The following ARB2A variants were observed in gnomAD, a reference collection of about 807,000 sequenced individuals.
ARB2A encodes the protein cotranscriptional regulator ARB2A.
At chr5:93,999,639 T>C in the ARB2A span, among the ~76,000 whole-genome samples, 30 of 152,114 alleles carry the variant, frequency 2.0e-4, no homozygotes, top group South Asian at 5.8e-3. Flanking sequence ...GAGTGATACA[T>C]TGACTGCAAT....
chr5:93,684,315 C>T, the ARB2A span, among the ~76,000 whole-genome samples: 12 of 152,174 alleles, frequency 7.9e-5, no homozygotes, highest in Admixed American at 7.9e-4. Flanking sequence ...TATTCCCTCA[C>T]TTGCAAAGTG....
the ARB2A span, among the ~76,000 whole-genome samples, chr5:93,663,642 G>A: frequency 2.0e-5 from 3 of 152,222 alleles, no homozygotes; most frequent in South Asian, 4.2e-4. Flanking sequence ...GGGATTGGGC[G>A]CCCTTCACAT....
chr5:94,093,086 GTGT>G, the ARB2A span, among the ~76,000 whole-genome samples: 10 of 151,848 alleles, frequency 6.6e-5, no homozygotes, highest in Non-Finnish European at 1.2e-4. Context: ...TTATATACCT[GTGT>G]TGTTTGCTCA....
At chr5:93,752,975 T>C in the ARB2A span, among the ~76,000 whole-genome samples, 13 of 152,316 alleles carry the variant, frequency 8.5e-5, no homozygotes, top group African/African-American at 3.1e-4. Context: ...AAAAGTGTTA[T>C]TTAGTTCATG....
the ARB2A span, among the ~76,000 whole-genome samples, chr5:93,642,207 T>C: frequency 6.6e-6 from 1 of 151,824 alleles, no homozygotes; most frequent in Admixed American, 6.6e-5. Flanking sequence ...TTTTTTTTTT[T>C]TTGGAGTAGG....
At chr5:93,660,014 G>C in the ARB2A span, among the ~76,000 whole-genome samples, 5 of 151,762 alleles carry the variant, frequency 3.3e-5, no homozygotes, top group Non-Finnish European at 5.9e-5. Context: ...CAATCTAATT[G>C]GGAGATAGAA....
the ARB2A span, chr5:93,881,622 G>T: frequency 5.0e-6 from 8 of 1,606,654 alleles, no homozygotes; most frequent in Admixed American, 1.7e-5. Flanking sequence ...GACTGTACGT[G>T]TATCTTCGGC....
the ARB2A span, among the ~76,000 whole-genome samples, chr5:93,753,845 T>C: frequency 6.6e-6 from 1 of 152,272 alleles, no homozygotes; most frequent in Admixed American, 6.5e-5. Context: ...AACATAATTT[T>C]AGTGAATCTA....
chr5:93,723,875 T>C, the ARB2A span, among the ~76,000 whole-genome samples: 2 of 152,038 alleles, frequency 1.3e-5, no homozygotes, highest in African/African-American at 4.8e-5. Context: ...AAGATTCAAA[T>C]ACCATCTGTG....
chr5:93,637,035 G>T, the ARB2A span, among the ~76,000 whole-genome samples: 2 of 152,112 alleles, frequency 1.3e-5, no homozygotes, highest in East Asian at 3.8e-4. Context: ...TCACCACAAA[G>T]ATTCGTCATA....
the ARB2A span, among the ~76,000 whole-genome samples, chr5:93,933,756 C>A: frequency 6.6e-6 from 1 of 152,068 alleles, no homozygotes; most frequent in Admixed American, 6.5e-5. Flanking sequence ...ACCTATGTAA[C>A]AAACCTGCAT....
chr5:93,715,408 C>T, the ARB2A span, among the ~76,000 whole-genome samples: 2 of 152,270 alleles, frequency 1.3e-5, no homozygotes, highest in African/African-American at 4.8e-5. Context: ...ACATGTGTTA[C>T]TGCAGTTCTA....
chr5:93,933,224 C>A, the ARB2A span, among the ~76,000 whole-genome samples: 1 of 152,148 alleles, frequency 6.6e-6, no homozygotes, highest in Middle Eastern at 3.2e-3. Flanking sequence ...TTAATTCAAC[C>A]ATTGTGGAAG....
At chr5:93,946,888 C>T in the ARB2A span, among the ~76,000 whole-genome samples, 283 of 152,286 alleles carry the variant, frequency 1.9e-3, 5 homozygotes, top group East Asian at 0.028. Flanking sequence ...CTCTCAAAAA[C>T]ATTCAGCCAC....
the ARB2A span, among the ~76,000 whole-genome samples, chr5:93,783,692 T>G: frequency 6.6e-6 from 1 of 152,144 alleles, no homozygotes; most frequent in East Asian, 1.9e-4. Context: ...TAAATAAAAA[T>G]AAAAGAAAAT....
At chr5:93,741,262 G>A in the ARB2A span, 4 of 1,613,848 alleles carry the variant, frequency 2.5e-6, no homozygotes, top group Non-Finnish European at 3.4e-6. Flanking sequence ...GTAGGGCCCC[G>A]GGAGGGCGCC....
the ARB2A span, among the ~76,000 whole-genome samples, chr5:93,915,373 T>C: frequency 6.6e-6 from 1 of 151,700 alleles, no homozygotes; most frequent in Non-Finnish European, 1.5e-5. Context: ...TCTGTGCCCT[T>C]GCTTTCACTT....
the ARB2A span, among the ~76,000 whole-genome samples, chr5:93,707,524 T>C: frequency 6.6e-6 from 1 of 151,942 alleles, no homozygotes; most frequent in Admixed American, 6.6e-5. Context: ...AATTTCTCTG[T>C]TTAGTAATCT....
chr5:93,920,416 G>T, the ARB2A span, among the ~76,000 whole-genome samples: 11 of 152,080 alleles, frequency 7.2e-5, no homozygotes, highest in East Asian at 1.9e-3. Context: ...GAACAATATG[G>T]GTTTGAACTG....
Sources: gnomAD v4.1 joint callset for allele counts (sites outside exome capture counted in the v4.1 genomes callset) on GRCh38, gnomAD v4.1.1 for gene constraint, MANE v1.5 for transcripts, NCBI Gene and HGNC (gene_info 2026-07-23, HGNC 2026-07-21) for gene names.